MYO5C: variants seen among roughly 807,000 people sequenced by gnomAD.
MYO5C encodes the protein myosin VC, also known as unconventional myosin-Vc.
MYO5C carries 194 observed loss-of-function variants against 235.7 expected under a neutral mutation model. The ratio of observed to expected loss-of-function variants is 0.82; its 90% CI spans 0.73 to 0.93. MYO5C has a LOEUF of 0.93. Among genes scored for constraint, MYO5C ranks in the 40% least tolerant of loss-of-function variants. The probability of loss-of-function intolerance (pLI) is 0.00; values close to 1 mark genes in which losing one functional copy is unlikely to be tolerated. For missense variants in MYO5C, 2,038 were observed against 2,127.2 expected (o/e 0.96, Z 0.82); for synonymous variants, 707 against 754.8 (o/e 0.94, Z 1.04).
chr15:52,210,268 C>T (rs1412364149), intron 35 of MYO5C, among the ~76,000 whole-genome samples: 1 of 152,060 alleles, frequency 6.6e-6, no homozygotes, highest in Admixed American at 6.6e-5. Flanking sequence ...CTGGCCTTCC[C>T]TAGAGTATTT....
In MYO5C at chr15:52,224,996, A is replaced by G; in HGVS notation, c.3366-15T>C. On this transcript the variant is annotated splice_polypyrimidine_tract_variant and intron_variant, in intron 27 of 40. Coordinates refer to ENST00000261839, the MANE Select transcript of MYO5C (RefSeq NM_018728.4). The stretch of plus-strand genomic sequence containing the variant: ...CCACAGAGAGCCTGCAAAATAAGGA[A>G]GATAAGAAAATCTATCATCTCTGTC... The G allele has an allele frequency of 6.2e-7, 1 of 1,613,876 alleles. No homozygotes were observed.
Position 52,214,655 on chromosome 15 carries a change from C to G in MYO5C, c.3990G>C (p.Val1330=). The part of the protein sequence containing the change: ...LEEELDMKDR[V]IKKLQDQVKT... ...TGACTTGATCTTGTAGCTTTTTAAT[C>G]ACTCTGTCTTTCATGTCTAATTCTT... is the stretch of plus-strand genomic sequence containing the variant. The change falls in exon 33 of 41, where the codon GTG becomes GTC. Residue 1330 remains valine (V), a synonymous_variant. Transcript: ENST00000261839. 1 of 1,609,228 alleles carries G rather than the reference C, an allele frequency of 6.2e-7. No individual in the cohort carries two copies. The highest frequency in any genetic ancestry group is 8.5e-7 in the Non-Finnish European group (1 of 1,177,494).
At chr15:52,258,788 T>C (rs1430097304) in intron 10 of MYO5C, among the ~76,000 whole-genome samples, 1 of 152,216 alleles carries the variant, frequency 6.6e-6, no homozygotes, top group East Asian at 1.9e-4. Context: ...AATCTTAAAA[T>C]AATTTACTCT....
chr15:52,270,636 A>G (rs59211915), intron 7 of MYO5C, among the ~76,000 whole-genome samples: 3,210 of 148,814 alleles, frequency 0.022, 108 homozygotes, highest in South Asian at 0.15. Flanking sequence ...ATGTATGTGT[A>G]TATATATATA....
At chr15:52,280,926 A>C (rs533503245) in intron 2 of MYO5C, among the ~76,000 whole-genome samples, 2 of 152,336 alleles carry the variant, frequency 1.3e-5, no homozygotes, top group South Asian at 2.1e-4. Context: ...TCTGTTCTGC[A>C]TAAAGCGAGC....
intron 21 of MYO5C, among the ~76,000 whole-genome samples, chr15:52,238,271 C>G (rs1053216240): frequency 2.6e-5 from 4 of 152,242 alleles, no homozygotes; most frequent in African/African-American, 9.6e-5. Context: ...TTTGCTATGA[C>G]AGTCCTAGCA....
chr15:52,279,559 T>C lies in MYO5C; in HGVS notation c.254A>G (p.His85Arg), dbSNP rs759813161. Residue 85 changes from histidine (H) to arginine (R), a missense_variant, in exon 3 of 41, where the codon CAC becomes CGC. By Grantham distance (29) the His-to-Arg change is conservative. Transcript: ENST00000261839. ...LSYLHEPAVLHNLRIRFAESK... is the reference protein window; with the variant it reads ...LSYLHEPAVLRNLRIRFAESK... ...TTCTGCAAAGCGGATTCTGAGGTTG[T>C]GGAGCACCGCGGGCTCGTGAAGATA... 4 of 1,613,976 alleles carry C rather than the reference T, an allele frequency of 2.5e-6. No homozygotes were observed. The highest frequency in any genetic ancestry group is 3.4e-6 in the Non-Finnish European group (4 of 1,179,944).
At chr15:52,235,921 C>G (rs1027383140) in intron 22 of MYO5C, among the ~76,000 whole-genome samples, 158 bp from the exon 23 acceptor site, 3 of 152,234 alleles carry the variant, frequency 2.0e-5, no homozygotes, top group African/African-American at 7.2e-5. Flanking sequence ...CTGTAAGACG[C>G]TGCCATTTGT....
intron 24 of MYO5C, among the ~76,000 whole-genome samples, chr15:52,231,449 C>G (rs2035948260): frequency 6.6e-6 from 1 of 152,172 alleles, no homozygotes; most frequent in African/African-American, 2.4e-5. Context: ...CCAAGTGGTC[C>G]CTGCACGTGG....
chr15:52,261,698 C>A (rs950312930), intron 9 of MYO5C, among the ~76,000 whole-genome samples: 1 of 152,248 alleles, frequency 6.6e-6, no homozygotes, highest in Non-Finnish European at 1.5e-5. Context: ...AAAGTGAAAT[C>A]TTGCTTCTCC....
chr15:52,218,756 C>G (rs745876153), intron 31 of MYO5C, 69 bp from the exon 32 acceptor site: 5 of 1,507,758 alleles, frequency 3.3e-6, no homozygotes, highest in Non-Finnish European at 4.5e-6. Context: ...ACTGTCATAG[C>G]AAGTGCTGAT....
At chr15:52,220,841 A>T (rs12912515) in intron 30 of MYO5C, among the ~76,000 whole-genome samples, 14,905 of 146,568 alleles carry the variant, frequency 0.1, 1,432 homozygotes, top group East Asian at 0.47. Context: ...AAAAAAAAAA[A>T]TTTTTTTTGT....
intron 32 of MYO5C, among the ~76,000 whole-genome samples, chr15:52,216,393 C>G (rs1018671806): frequency 6.6e-6 from 1 of 151,960 alleles, no homozygotes; most frequent in Non-Finnish European, 1.5e-5. Flanking sequence ...TAAAGTTTTC[C>G]TTGTAGAGAT....
intron 21 of MYO5C, 76 bp downstream of exon 21, chr15:52,239,657 G>A: frequency 6.8e-7 from 1 of 1,473,890 alleles, no homozygotes; most frequent in East Asian, 2.3e-5. Context: ...TAATAGCACA[G>A]CTAAGGAACT....
chr15:52,267,634 C>T (rs542914098), intron 8 of MYO5C, among the ~76,000 whole-genome samples: 5 of 152,190 alleles, frequency 3.3e-5, no homozygotes, highest in South Asian at 2.1e-4. Context: ...TGCAGTGAGC[C>T]GAGACTGCAC....
intron 1 of MYO5C, among the ~76,000 whole-genome samples, chr15:52,283,474 C>T (rs2037201343): frequency 6.6e-6 from 1 of 152,222 alleles, no homozygotes; most frequent in Non-Finnish European, 1.5e-5. Flanking sequence ...AGCCACCCAG[C>T]TCAATTCCCA....
At position 52,213,294 on chromosome 15, in the gene MYO5C, C is replaced by T. The variant is rs2141276754; in HGVS notation, c.4043-8G>A. On this transcript the variant is annotated splice_region_variant and splice_polypyrimidine_tract_variant and intron_variant, in intron 33 of 40. Transcript: ENST00000261839. ...ACGAGTGCACATCATTGGCTGTAGA[C>T]AGAGGCAAACAATCAGCTAAATACA... 6.2e-7 allele frequency: 1 copy of T among 1,601,058 alleles called. No homozygotes were observed. Among genetic ancestry groups the T allele is most frequent in the Non-Finnish European group, 8.6e-7 (1 of 1,168,244 alleles).
Position 52,193,667 on chromosome 15 carries a change from T to G in MYO5C, c.*235A>C. 5.0e-5 allele frequency: 23 copies of G among 458,998 alleles called. No individual in the cohort carries two copies. Among genetic ancestry groups the G allele is most frequent in the Admixed American group, 8.7e-5 (2 of 23,120 alleles). The allele number at this position is 458,998 out of a possible 1,614,324, so 28.4% of individuals were successfully genotyped here. On this transcript the variant is annotated 3_prime_UTR_variant, in exon 41 of 41. Coordinates refer to ENST00000261839, the MANE Select transcript of MYO5C (RefSeq NM_018728.4). Reference sequence around the variant, plus strand: ...TCCAGGAATTTCAGTGAAAACCAGCTGAGATTCGAGAGTGAGACATGGCTT... The same window carrying G: ...TCCAGGAATTTCAGTGAAAACCAGCGGAGATTCGAGAGTGAGACATGGCTT...
intron 37 of MYO5C, 99 bp downstream of exon 37, chr15:52,205,717 C>A (rs1199683173): frequency 3.0e-6 from 2 of 662,362 alleles, no homozygotes; most frequent in South Asian, 4.0e-5. Flanking sequence ...GCTTTTTAAA[C>A]AATGTTACAC....
Sources: allele counts gnomAD v4.1 joint callset (sites outside exome capture counted in the v4.1 genomes callset), GRCh38; gene constraint gnomAD v4.1.1; transcripts MANE v1.5; gene names NCBI Gene and HGNC (gene_info 2026-07-23, HGNC 2026-07-21).